The following CWF19L2 variants were observed in gnomAD, a reference collection of about 807,000 sequenced individuals.
CWF19L2 encodes the protein CWF19-like protein 2.
A neutral mutation model predicts 111.7 loss-of-function variants in CWF19L2; 98 were observed. The observed-to-expected ratio is 0.88, with a 90% CI of 0.75 to 1.04. CWF19L2 has a LOEUF of 1.04. CWF19L2 is among the 50% of genes least tolerant of loss of function. CWF19L2 has a pLI of 0.00. For missense variants in CWF19L2, 1,101 were observed against 1,051.4 expected (o/e 1.05, Z -0.65); for synonymous variants, 351 against 342.9 (o/e 1.02, Z -0.26).
intron 3 of CWF19L2, among the ~76,000 whole-genome samples, chr11:107,448,690 G>A (rs1172114833): frequency 6.6e-6 from 1 of 152,130 alleles, no homozygotes; most frequent in Non-Finnish European, 1.5e-5. Context: ...AATAGGGGCT[G>A]AGGCCTTTGG....
intron 12 of CWF19L2, among the ~76,000 whole-genome samples, chr11:107,384,567 G>C (rs1860737389): frequency 6.6e-6 from 1 of 152,072 alleles, no homozygotes; most frequent in Non-Finnish European, 1.5e-5. Flanking sequence ...AAATACATTT[G>C]CATTGAAGAT....
chr11:107,390,928 G>A (rs1860837817), intron 11 of CWF19L2, among the ~76,000 whole-genome samples: 1 of 152,190 alleles, frequency 6.6e-6, no homozygotes, highest in Non-Finnish European at 1.5e-5. Context: ...GCGAGTCAGA[G>A]ATGTTGAAAT....
At chr11:107,418,893 A>G (rs964606275) in intron 8 of CWF19L2, among the ~76,000 whole-genome samples, 1 of 152,240 alleles carries the variant, frequency 6.6e-6, no homozygotes, top group Non-Finnish European at 1.5e-5. Flanking sequence ...GCCTTAAGAA[A>G]TAATTCAAGG....
intron 9 of CWF19L2, 112 bp from the exon 10 acceptor site, chr11:107,416,410 G>C (rs1245097018): frequency 2.4e-6 from 1 of 415,908 alleles, no homozygotes; most frequent in African/African-American, 2.1e-5. Flanking sequence ...CACTCATGTA[G>C]CCTTCATCTA....
chr11:107,373,802 T>A (rs1463771465), intron 12 of CWF19L2, among the ~76,000 whole-genome samples: 4 of 133,028 alleles, frequency 3.0e-5, no homozygotes, highest in Non-Finnish European at 1.6e-5. Flanking sequence ...GAAGAAGGCT[T>A]CAGACGATCA....
intron 6 of CWF19L2, 57 bp from the exon 7 acceptor site, chr11:107,433,806 T>A: frequency 3.0e-6 from 2 of 668,606 alleles, no homozygotes; most frequent in East Asian, 7.8e-5. Context: ...ATACAATTAA[T>A]ATGTATTGCT....
chr11:107,346,685 A>C (rs1860085266), intron 14 of CWF19L2, among the ~76,000 whole-genome samples: 1 of 152,206 alleles, frequency 6.6e-6, no homozygotes, highest in Non-Finnish European at 1.5e-5. Context: ...TCTCCTCTGG[A>C]AAAGGTAAAA....
intron 10 of CWF19L2, among the ~76,000 whole-genome samples, chr11:107,402,899 A>ATATATATATATG (rs1861027059): frequency 7.5e-6 from 1 of 133,680 alleles, no homozygotes; most frequent in African/African-American, 3.1e-5. Context: ...ATATATATAT[A>ATATATATATATG]TATAATGGAA....
At chr11:107,369,709 G>A (rs1362428503) in intron 12 of CWF19L2, among the ~76,000 whole-genome samples, 3 of 137,654 alleles carry the variant, frequency 2.2e-5, no homozygotes. Flanking sequence ...CCCAACCAAA[G>A]AAAATGATTC....
At chr11:107,415,782 C>T (rs1861216567) in intron 10 of CWF19L2, among the ~76,000 whole-genome samples, 1 of 152,144 alleles carries the variant, frequency 6.6e-6, no homozygotes, top group Non-Finnish European at 1.5e-5. Context: ...GACACATATA[C>T]AGACACATCT....
intron 12 of CWF19L2, among the ~76,000 whole-genome samples, chr11:107,373,499 C>G (rs553232607): frequency 1.6e-5 from 2 of 127,958 alleles, no homozygotes; most frequent in African/African-American, 6.2e-5. Flanking sequence ...AGGCACCCCC[C>G]AGGAGGGGCA....
intron 10 of CWF19L2, among the ~76,000 whole-genome samples, chr11:107,415,838 C>A (rs1449320561): frequency 2.0e-5 from 3 of 152,194 alleles, no homozygotes; most frequent in Non-Finnish European, 1.5e-5. Flanking sequence ...TAACTCGCAT[C>A]TGTAATCTCA....
In CWF19L2 at chr11:107,392,889, C is replaced by T. The variant is rs747807350; in HGVS notation, c.1624G>A (p.Asp542Asn). The change falls in exon 11 of 18, where the codon GAC becomes AAC. Residue 542 changes from aspartate to asparagine, a missense_variant. Coordinates refer to ENST00000282251, the MANE Select transcript of CWF19L2 (RefSeq NM_152434.3). ...CTGACAAGGATTACTTCTTGCTGGT[C>T]TTCATTCTATAAAAAGATTTAGAGA... ...IPKKSGVENE[D>N]QQEVILVRTD... is the part of the protein sequence containing the mutation. 3.9e-6 allele frequency: 6 copies of T among 1,550,100 alleles called. No homozygotes were observed. Among genetic ancestry groups the T allele is most frequent in the Non-Finnish European group, 4.3e-6 (5 of 1,151,656 alleles).
chr11:107,454,829 G>T (rs1861830887), intron 2 of CWF19L2, among the ~76,000 whole-genome samples: 1 of 152,028 alleles, frequency 6.6e-6, no homozygotes, highest in Non-Finnish European at 1.5e-5. Context: ...TTTATTTGTA[G>T]ATTAATGTGA....
intron 8 of CWF19L2, among the ~76,000 whole-genome samples, chr11:107,426,722 TG>T (rs1035770292): frequency 2.8e-4 from 42 of 151,878 alleles, no homozygotes; most frequent in African/African-American, 9.6e-4. Flanking sequence ...AGATTTTGAA[TG>T]GTATATGCAT....
chr11:107,386,415 G>C, intron 12 of CWF19L2, among the ~76,000 whole-genome samples: 1 of 152,098 alleles, frequency 6.6e-6, no homozygotes, highest in East Asian at 1.9e-4. Context: ...TCCTTTCTAA[G>C]GTCAATTCTT....
At chr11:107,452,751 G>T (rs1861794611) in intron 3 of CWF19L2, among the ~76,000 whole-genome samples, 1 of 152,224 alleles carries the variant, frequency 6.6e-6, no homozygotes, top group Non-Finnish European at 1.5e-5. Flanking sequence ...CAGCACTTTG[G>T]AAGGCTGAGG....
intron 16 of CWF19L2, among the ~76,000 whole-genome samples, chr11:107,333,452 C>G (rs996734103): frequency 1.3e-5 from 2 of 152,094 alleles, no homozygotes; most frequent in Non-Finnish European, 2.9e-5. Context: ...GAAATATTTT[C>G]AACTGTCATT....
chr11:107,353,374 T>C, intron 13 of CWF19L2, 150 bp downstream of exon 13: 1 of 633,606 alleles, frequency 1.6e-6, no homozygotes, highest in Non-Finnish European at 2.7e-6. Context: ...ACAAAAGTTA[T>C]CTCTGTCTTC....
Sources: allele counts gnomAD v4.1 joint callset (sites outside exome capture counted in the v4.1 genomes callset), GRCh38; gene constraint gnomAD v4.1.1; transcripts MANE v1.5; gene names NCBI Gene and HGNC (gene_info 2026-07-23, HGNC 2026-07-21).